CSMD1: variants seen among roughly 807,000 people sequenced by gnomAD.
CSMD1 encodes CUB and sushi domain-containing protein 1.
CSMD1 carries 213 observed loss-of-function variants against 417.5 expected under a neutral mutation model. The ratio of observed to expected loss-of-function variants is 0.51; its 90% confidence interval spans 0.46 to 0.57. The LOEUF is 0.57. CSMD1 is among the 20% of genes least tolerant of loss of function. CSMD1 has a pLI of 0.00. For missense variants in CSMD1, 6,923 were observed against 4,529.7 expected, an observed-to-expected ratio of 1.53 and a Z score of -15.17; for synonymous variants, 2,862 against 1,736.8, an observed-to-expected ratio of 1.65 and a Z score of -16.11.
chr8:3,737,979 A>G (rs1796609585), intron 6 of CSMD1, among the ~76,000 whole-genome samples: 1 of 152,220 alleles, frequency 6.6e-6, no homozygotes, highest in Non-Finnish European at 1.5e-5. Context: ...CTTGTAATAA[A>G]TTGCAGAAGA....
rs187287230 is a variant in CSMD1, at chr8:4,480,219, G to T, written c.303-60154C>A. On this transcript the variant is annotated intron_variant, in intron 2 of 69. Transcript: ENST00000635120. ...AAAAAAACAAAAAAAAACCGAGAAG[G>T]AAATTACTGCTGTAAGGAAAAAGCA... 2.5e-3 allele frequency among the ~76,000 whole-genome samples: 374 copies of T among 151,426 alleles called. 2 individuals carry two copies. Among genetic ancestry groups the T allele is most frequent in the Non-Finnish European group, 3.6e-3 (246 of 67,934 alleles).
At chr8:3,685,880 A>C (rs534193861) in intron 7 of CSMD1, among the ~76,000 whole-genome samples, 66 of 152,294 alleles carry the variant, frequency 4.3e-4, no homozygotes, top group Middle Eastern at 3.4e-3. Context: ...CCATCCCATC[A>C]AACATTTATT....
At chr8:3,956,615 TAAC>T (rs1189459627) in intron 5 of CSMD1, among the ~76,000 whole-genome samples, 14 of 152,348 alleles carry the variant, frequency 9.2e-5, no homozygotes, top group African/African-American at 3.4e-4. Flanking sequence ...TAAATTCTGA[TAAC>T]AAGACTAAAA....
chr8:3,790,559 A>G (rs1328574935), intron 5 of CSMD1, among the ~76,000 whole-genome samples: 2 of 152,236 alleles, frequency 1.3e-5, no homozygotes, highest in Non-Finnish European at 2.9e-5. Context: ...TTAGACAACT[A>G]GGAACAATCA....
chr8:4,695,698 G>C (rs1318362497), intron 1 of CSMD1, among the ~76,000 whole-genome samples: 4 of 152,018 alleles, frequency 2.6e-5, no homozygotes, highest in Non-Finnish European at 4.4e-5. Context: ...TCACTCAAAG[G>C]TCAGTTTACT....
chr8:3,004,209 C>G (rs897612118), intron 52 of CSMD1, among the ~76,000 whole-genome samples: 2 of 152,124 alleles, frequency 1.3e-5, no homozygotes, highest in African/African-American at 2.4e-5. Flanking sequence ...TGCCAGAGCC[C>G]AGAGGCTGTG....
intron 3 of CSMD1, among the ~76,000 whole-genome samples, chr8:4,327,988 C>G (rs1161561381): frequency 2.6e-5 from 4 of 152,098 alleles, no homozygotes; most frequent in African/African-American, 9.7e-5. Flanking sequence ...TAACATTTAC[C>G]AGTAAACTTT....
intron 2 of CSMD1, among the ~76,000 whole-genome samples, chr8:4,468,524 A>C (rs78691641): frequency 6.6e-6 from 1 of 152,172 alleles, no homozygotes; most frequent in Non-Finnish European, 1.5e-5. Context: ...ATTTCTTCTT[A>C]CATGAAGGCA....
At chr8:3,233,736 A>G (rs1452262092) in intron 26 of CSMD1, among the ~76,000 whole-genome samples, 1 of 152,038 alleles carries the variant, frequency 6.6e-6, no homozygotes, top group African/African-American at 2.4e-5. Context: ...AAGTTTTCAC[A>G]TTTGTACTTC....
intron 2 of CSMD1, among the ~76,000 whole-genome samples, chr8:4,565,649 C>G (rs1005089685): frequency 1.3e-5 from 2 of 150,970 alleles, no homozygotes; most frequent in East Asian, 2.0e-4. Flanking sequence ...GCAGGAGAAC[C>G]GTTTGAACCA....
intron 3 of CSMD1, among the ~76,000 whole-genome samples, chr8:4,175,162 T>G (rs1797974761): frequency 6.6e-6 from 1 of 151,844 alleles, no homozygotes; most frequent in Non-Finnish European, 1.5e-5. Flanking sequence ...GAAAGATCAT[T>G]GTTGAAAAGT....
chr8:4,915,326 T>G (rs1293969293), intron 1 of CSMD1, among the ~76,000 whole-genome samples: 3 of 152,142 alleles, frequency 2.0e-5, no homozygotes, highest in African/African-American at 7.2e-5. Context: ...TTTATTGCAA[T>G]GGTAAAAAGC....
chr8:4,773,158 A>T (rs1359128929), intron 1 of CSMD1, among the ~76,000 whole-genome samples: 1 of 152,172 alleles, frequency 6.6e-6, no homozygotes, highest in East Asian at 1.9e-4. Context: ...AGTATCAGAA[A>T]TCTGAAATGT....
intron 1 of CSMD1, among the ~76,000 whole-genome samples, chr8:4,990,640 T>G (rs1811412041): frequency 6.6e-6 from 1 of 152,184 alleles, no homozygotes; most frequent in Non-Finnish European, 1.5e-5. Context: ...ATTACAGGCA[T>G]GAGCCACAGC....
intron 3 of CSMD1, among the ~76,000 whole-genome samples, chr8:4,121,115 T>A (rs1181587724): frequency 6.6e-6 from 1 of 151,762 alleles, no homozygotes; most frequent in Admixed American, 6.6e-5. Context: ...ATTTTTATTT[T>A]TATTTATTAT....
intron 3 of CSMD1, among the ~76,000 whole-genome samples, chr8:4,167,459 C>T (rs939764144): frequency 1.3e-5 from 2 of 152,098 alleles, no homozygotes; most frequent in African/African-American, 2.4e-5. Flanking sequence ...AATAGAATGA[C>T]GGTGGCTGAG....
At chr8:4,379,828 G>T (rs1282594524) in intron 3 of CSMD1, among the ~76,000 whole-genome samples, 1 of 152,190 alleles carries the variant, frequency 6.6e-6, no homozygotes, top group African/African-American at 2.4e-5. Context: ...AGTACTGTTT[G>T]CTGAAAAAGT....
At chr8:3,792,529 T>C (rs972818481) in intron 5 of CSMD1, among the ~76,000 whole-genome samples, 3 of 152,158 alleles carry the variant, frequency 2.0e-5, no homozygotes, top group African/African-American at 4.8e-5. Flanking sequence ...TATCTCACAA[T>C]TGATTTATTT....
At chr8:3,684,305 T>A (rs1012685412) in intron 7 of CSMD1, among the ~76,000 whole-genome samples, 1 of 145,138 alleles carries the variant, frequency 6.9e-6, no homozygotes, top group Non-Finnish European at 1.5e-5. Context: ...AAATTATATA[T>A]TATATAAAAT....
Sources: gnomAD v4.1 joint callset for allele counts (sites outside exome capture counted in the v4.1 genomes callset) on GRCh38, gnomAD v4.1.1 for gene constraint, MANE v1.5 for transcripts, NCBI Gene and HGNC (gene_info 2026-07-23, HGNC 2026-07-21) for gene names.